CSMD1: variants seen among roughly 807,000 people sequenced by gnomAD.
The protein encoded by CSMD1 is CUB and Sushi multiple domains 1, also known as CUB and sushi domain-containing protein 1.
A neutral mutation model predicts 417.5 loss-of-function variants in CSMD1; 213 were observed. The observed-to-expected ratio is 0.51, with a 90% CI of 0.46 to 0.57. CSMD1 has a LOEUF of 0.57. CSMD1 is among the 20% of genes least tolerant of loss of function. CSMD1 has a pLI of 0.00. For missense variants in CSMD1, 6,923 were observed against 4,529.7 expected, an observed-to-expected ratio of 1.53 and a Z score of -15.17; for synonymous variants, 2,862 against 1,736.8, an observed-to-expected ratio of 1.65 and a Z score of -16.11.
rs557999940 is a variant in CSMD1, at chr8:3,952,198, G to A, written c.818+45705C>T. On this transcript the variant is annotated intron_variant, in intron 5 of 69. Coordinates refer to ENST00000635120, the MANE Select transcript of CSMD1 (RefSeq NM_033225.6). ...AGAAACTGTTCATGGTGTCTCCGAG[G>A]TGAAAAGAATTTTCATAATAAGAAG... is the stretch of plus-strand genomic sequence containing the variant. Among the ~76,000 whole-genome samples, 16 of 152,242 alleles carry A rather than the reference G, an allele frequency of 1.1e-4. No individual in the cohort carries two copies. In the South Asian group the frequency reaches 3.3e-3, roughly 32 times the overall value.
rs1797750211 is a variant in CSMD1 at position 4,038,914 on chromosome 8, C to CAAGT, written c.416-6816_416-6815insACTT. On this transcript the variant is annotated intron_variant, in intron 3 of 69. Transcript: ENST00000635120. ...ATGCACACGAAAATTCCCTCCGTAA[C>CAAGT]ACTTAATTTGGCAAGTACATATGGT... Among the ~76,000 whole-genome samples the CAAGT allele has an allele frequency of 2.6e-5, 4 of 152,134 alleles. No individual in the cohort carries two copies. In the East Asian group the frequency reaches 5.8e-4, roughly 22 times the overall value.
intron 1 of CSMD1, among the ~76,000 whole-genome samples, chr8:4,905,887 T>A (rs1375503532): frequency 6.8e-6 from 1 of 147,480 alleles, no homozygotes; most frequent in Non-Finnish European, 1.5e-5. Flanking sequence ...ATTATTATTC[T>A]CACATCTAAT....
chr8:4,752,922 T>TA (rs1811426367), intron 1 of CSMD1, among the ~76,000 whole-genome samples: 1 of 152,194 alleles, frequency 6.6e-6, no homozygotes, highest in Non-Finnish European at 1.5e-5. Flanking sequence ...ATTACAGGGC[T>TA]TCCCAGTGGC....
chr8:4,504,593 G>T (rs1001078012), intron 2 of CSMD1, among the ~76,000 whole-genome samples: 2 of 151,996 alleles, frequency 1.3e-5, no homozygotes, highest in Non-Finnish European at 2.9e-5. Flanking sequence ...TTTAAGCCTC[G>T]CATGCATTAG....
At chr8:3,871,153 T>C (rs1187180728) in intron 5 of CSMD1, among the ~76,000 whole-genome samples, 1 of 152,120 alleles carries the variant, frequency 6.6e-6, no homozygotes, top group African/African-American at 2.4e-5. Context: ...ACCTCACTCA[T>C]CATACTTTTA....
intron 1 of CSMD1, among the ~76,000 whole-genome samples, chr8:4,922,166 G>T (rs1422453251): frequency 6.6e-6 from 1 of 152,044 alleles, no homozygotes; most frequent in African/African-American, 2.4e-5. Context: ...ATTCTAGAAG[G>T]GGTGAAGTAC....
intron 3 of CSMD1, among the ~76,000 whole-genome samples, chr8:4,074,927 C>T (rs989015268): frequency 6.6e-6 from 1 of 152,096 alleles, no homozygotes; most frequent in Non-Finnish European, 1.5e-5. Flanking sequence ...AGGCACCACA[C>T]TTTGAATTTA....
intron 3 of CSMD1, among the ~76,000 whole-genome samples, chr8:4,337,749 A>G (rs1800253572): frequency 6.6e-6 from 1 of 152,204 alleles, no homozygotes; most frequent in Admixed American, 6.5e-5. Flanking sequence ...GATTAGTAGT[A>G]CAGCCTTTAC....
chr8:3,990,308 A>G (rs371295415), intron 5 of CSMD1, among the ~76,000 whole-genome samples: 1 of 152,226 alleles, frequency 6.6e-6, no homozygotes, highest in African/African-American at 2.4e-5. Context: ...ATTTTTCAAT[A>G]AAATGAGGTT....
At chr8:4,075,980 G>A (rs866684228) in intron 3 of CSMD1, among the ~76,000 whole-genome samples, 1 of 152,076 alleles carries the variant, frequency 6.6e-6, no homozygotes, top group Non-Finnish European at 1.5e-5. Flanking sequence ...ACATAGAATT[G>A]TTTCTTTCTC....
At chr8:3,597,050 G>C (rs1055521819) in intron 8 of CSMD1, among the ~76,000 whole-genome samples, 1 of 152,150 alleles carries the variant, frequency 6.6e-6, no homozygotes, top group Non-Finnish European at 1.5e-5. Flanking sequence ...AGCCCTGCAA[G>C]ATATTGGCCG....
At chr8:4,809,090 AATGAAACAG>A (rs1281115159) in intron 1 of CSMD1, among the ~76,000 whole-genome samples, 6 of 152,336 alleles carry the variant, frequency 3.9e-5, no homozygotes, top group African/African-American at 1.4e-4. Context: ...AATAAAACTG[AATGAAACAG>A]ATGGACCTTA....
Position 4,715,232 on chromosome 8 carries a change from T to G in CSMD1, c.86-77674A>C, listed in dbSNP as rs187563945. Among the ~76,000 whole-genome samples the G allele has an allele frequency of 2.0e-5, 3 of 152,324 alleles. No individual in the cohort carries two copies. In the East Asian group the frequency reaches 5.8e-4, roughly 29 times the overall value. ...AGAATGTCTGAGTGTTTTTATGAAT[T>G]TGAATTCATAACCTAACCTGTGTTT... On this transcript the variant is annotated intron_variant, in intron 1 of 69. Coordinates refer to ENST00000635120, the MANE Select transcript of CSMD1 (RefSeq NM_033225.6).
chr8:4,862,785 T>G (rs190340654), intron 1 of CSMD1, among the ~76,000 whole-genome samples: 1 of 151,924 alleles, frequency 6.6e-6, no homozygotes, highest in African/African-American at 2.4e-5. Context: ...AATCATGAAA[T>G]CCGGTGACAG....
chr8:3,692,262 G>A (rs540960724), intron 7 of CSMD1, among the ~76,000 whole-genome samples: 1 of 152,052 alleles, frequency 6.6e-6, no homozygotes, highest in Non-Finnish European at 1.5e-5. Context: ...GCTATCCTGC[G>A]ATTTCACCAG....
intron 6 of CSMD1, among the ~76,000 whole-genome samples, chr8:3,736,897 G>T (rs1038887236): frequency 6.6e-6 from 1 of 152,196 alleles, no homozygotes; most frequent in African/African-American, 2.4e-5. Context: ...GGTGCTGTGT[G>T]CATCCTACTA....
At chr8:4,661,339 T>C (rs1052240471) in intron 1 of CSMD1, among the ~76,000 whole-genome samples, 3 of 152,220 alleles carry the variant, frequency 2.0e-5, no homozygotes, top group African/African-American at 7.2e-5. Context: ...ACATGCCATA[T>C]ACTGGATACA....
chr8:4,524,076 C>A (rs879371663), intron 2 of CSMD1, among the ~76,000 whole-genome samples: 3 of 151,914 alleles, frequency 2.0e-5, no homozygotes, highest in Non-Finnish European at 4.4e-5. Context: ...AATGAACGAA[C>A]AACTAGACTC....
chr8:4,119,934 G>A (rs182160625), intron 3 of CSMD1, among the ~76,000 whole-genome samples: 134 of 129,664 alleles, frequency 1.0e-3, no homozygotes, highest in Middle Eastern at 3.7e-3. Flanking sequence ...GAGGAGCTGG[G>A]GATGGTTAAT....
Sources: gnomAD v4.1 joint callset for allele counts (sites outside exome capture counted in the v4.1 genomes callset) on GRCh38, gnomAD v4.1.1 for gene constraint, MANE v1.5 for transcripts, NCBI Gene and HGNC (gene_info 2026-07-23, HGNC 2026-07-21) for gene names.